Variants in PAPPA2 observed in about 807,000 individuals in gnomAD.
The protein encoded by PAPPA2 is pappalysin 2, also known as pappalysin-2.
PAPPA2 carries 86 observed loss-of-function variants against 176.4 expected under a neutral mutation model. That is an observed-to-expected ratio of 0.49 (90% CI 0.41 to 0.58). PAPPA2 has a LOEUF of 0.58. Among genes scored for constraint, PAPPA2 ranks in the 20% least tolerant of loss-of-function variants. The pLI, the probability that PAPPA2 is intolerant of heterozygous loss-of-function variation, is 0.00. For missense variants in PAPPA2, 2,073 were observed against 2,256.9 expected, an observed-to-expected ratio of 0.92 and a Z score of 1.65; for synonymous variants, 809 against 852.2, an observed-to-expected ratio of 0.95 and a Z score of 0.88.
rs374802932 is a variant in PAPPA2, at chr1:176,595,269, T to C, written c.1665T>C (p.Asn555=). 6.2e-7 allele frequency: 1 copy of C among 1,614,096 alleles called. No homozygotes were observed. Among genetic ancestry groups the C allele is most frequent in the Non-Finnish European group, 8.5e-7 (1 of 1,180,048 alleles). ...TTCGTCTGCAGCACGAGGCACTGAA[T>C]GAGGCCTTCAGCCGCTACAACATCA... The part of the protein sequence containing the change: ...EQIRLQHEAL[N]EAFSRYNISW... Residue 555 remains asparagine (N), a synonymous_variant, in exon 3 of 23, where the codon AAT becomes AAC. Coordinates refer to ENST00000367662, the MANE Select transcript of PAPPA2 (RefSeq NM_020318.3).
At chr1:176,488,903 A>G (rs1387123125) in intron 1 of PAPPA2, among the ~76,000 whole-genome samples, 1 of 152,148 alleles carries the variant, frequency 6.6e-6, no homozygotes, top group Non-Finnish European at 1.5e-5. Flanking sequence ...ATTTAGGTAG[A>G]ACACTGGTTC....
chr1:176,694,573 C>G (rs1008863558), intron 6 of PAPPA2, among the ~76,000 whole-genome samples: 1 of 152,194 alleles, frequency 6.6e-6, no homozygotes, highest in African/African-American at 2.4e-5. Context: ...TATTGAGACC[C>G]TGACTTGATG....
intron 1 of PAPPA2, among the ~76,000 whole-genome samples, chr1:176,545,596 G>T (rs1344772998): frequency 6.6e-6 from 1 of 152,000 alleles, no homozygotes; most frequent in Non-Finnish European, 1.5e-5. Context: ...TAAAGCATCT[G>T]GGAGGATGTG....
intron 14 of PAPPA2, among the ~76,000 whole-genome samples, chr1:176,742,472 T>C (rs533457332): frequency 6.6e-6 from 1 of 152,300 alleles, no homozygotes; most frequent in South Asian, 2.1e-4. Flanking sequence ...TTCATATGCA[T>C]GCATGCAAAC....
At chr1:176,759,175 G>A (rs1663576399) in intron 14 of PAPPA2, among the ~76,000 whole-genome samples, 1 of 152,196 alleles carries the variant, frequency 6.6e-6, no homozygotes, top group South Asian at 2.1e-4. Flanking sequence ...GGGAGGGTGG[G>A]ATACTGACTT....
At chr1:176,663,341 A>G (rs191740305) in intron 3 of PAPPA2, among the ~76,000 whole-genome samples, 8 of 152,286 alleles carry the variant, frequency 5.3e-5, no homozygotes. Flanking sequence ...TAAGCAAAGT[A>G]TACCTGCTCC....
chr1:176,552,607 G>A (rs888356805), intron 1 of PAPPA2, among the ~76,000 whole-genome samples: 3 of 152,068 alleles, frequency 2.0e-5, no homozygotes, highest in African/African-American at 7.2e-5. Context: ...GCAAAAAACT[G>A]TTTAAGAAAT....
chr1:176,806,201 A>G (rs1222976829), intron 21 of PAPPA2, among the ~76,000 whole-genome samples: 1 of 152,104 alleles, frequency 6.6e-6, no homozygotes, highest in African/African-American at 2.4e-5. Context: ...TTCAATGCAT[A>G]CCTTTGTAGA....
At chr1:176,541,033 C>T (rs1408498947) in intron 1 of PAPPA2, among the ~76,000 whole-genome samples, 4 of 152,186 alleles carry the variant, frequency 2.6e-5, no homozygotes, top group African/African-American at 9.7e-5. Context: ...ATCTTGGACA[C>T]TGTTCTCTAC....
intron 21 of PAPPA2, among the ~76,000 whole-genome samples, chr1:176,825,221 T>G (rs1666811039): frequency 6.6e-6 from 1 of 152,192 alleles, no homozygotes; most frequent in African/African-American, 2.4e-5. Context: ...CTTACGTGTT[T>G]TGCTCATACT....
At chr1:176,473,602 T>G (rs746207912) in intron 1 of PAPPA2, among the ~76,000 whole-genome samples, 2 of 152,222 alleles carry the variant, frequency 1.3e-5, no homozygotes, top group Non-Finnish European at 2.9e-5. Context: ...TGTTAGAAAC[T>G]TCCAAAATGT....
chr1:176,627,624 T>C (rs1352828113), intron 3 of PAPPA2, among the ~76,000 whole-genome samples: 1 of 152,234 alleles, frequency 6.6e-6, no homozygotes, highest in African/African-American at 2.4e-5. Flanking sequence ...TTTTGCATTG[T>C]AATTTATCCT....
At chr1:176,596,751 G>A (rs12117659) in intron 3 of PAPPA2, among the ~76,000 whole-genome samples, 37,005 of 152,120 alleles carry the variant, frequency 0.24, 4,523 homozygotes, top group South Asian at 0.34. Flanking sequence ...AATGGATCTG[G>A]TGTGTCTCTT....
At chr1:176,578,432 G>A (rs1031102453) in intron 2 of PAPPA2, among the ~76,000 whole-genome samples, 4 of 152,134 alleles carry the variant, frequency 2.6e-5, no homozygotes, top group African/African-American at 9.7e-5. Flanking sequence ...AAGACTGGAG[G>A]GAAATGCTCC....
intron 1 of PAPPA2, among the ~76,000 whole-genome samples, chr1:176,484,929 C>T (rs554353159): frequency 3.9e-5 from 6 of 152,318 alleles, no homozygotes; most frequent in Non-Finnish European, 7.4e-5. Flanking sequence ...GTTTCTATGG[C>T]GGTTTCTGCT....
At position 176,739,639 on chromosome 1, in the gene PAPPA2, G is replaced by A; in HGVS notation, c.3812G>A (p.Arg1271Lys). 6.2e-7 allele frequency: 1 copy of A among 1,613,330 alleles called. No individual in the cohort carries two copies. Among genetic ancestry groups the A allele is most frequent in the Non-Finnish European group, 8.5e-7 (1 of 1,179,480 alleles). Residue 1271 changes from arginine (R) to lysine (K), a missense_variant, in exon 13 of 23, where the codon AGA becomes AAA. This residue lies in a region of PAPPA2 where 846 missense variants were observed against 857.9 expected (regional missense o/e 0.99). Coordinates refer to ENST00000367662, the MANE Select transcript of PAPPA2 (RefSeq NM_020318.3). ...DEVWLKVCFN[R>K]PGEARAIFIF... Reference sequence around the variant, plus strand: ...GCTTATGCTTAGGTGTGTTTCAATAGACCAGGAGAGGCCAGAGCAATTTTT... The same window carrying A: ...GCTTATGCTTAGGTGTGTTTCAATAAACCAGGAGAGGCCAGAGCAATTTTT...
At chr1:176,704,441 G>C (rs1045404085) in intron 9 of PAPPA2, among the ~76,000 whole-genome samples, 1 of 152,074 alleles carries the variant, frequency 6.6e-6, no homozygotes, top group East Asian at 1.9e-4. Flanking sequence ...AAACAAGCAC[G>C]ATGCAGGGCC....
chr1:176,638,772 A>T (rs1461780866), intron 3 of PAPPA2, among the ~76,000 whole-genome samples: 1 of 151,922 alleles, frequency 6.6e-6, no homozygotes, highest in African/African-American at 2.4e-5. Context: ...AGCTTTGTGA[A>T]AGTTCCTCCA....
At chr1:176,777,289 A>C (rs1339784776) in intron 17 of PAPPA2, among the ~76,000 whole-genome samples, 2 of 152,194 alleles carry the variant, frequency 1.3e-5, no homozygotes, top group African/African-American at 4.8e-5. Flanking sequence ...CTTAGTAGAC[A>C]GTATTTAGGG....
Sources: gnomAD v4.1 joint callset for allele counts (sites outside exome capture counted in the v4.1 genomes callset) on GRCh38, gnomAD v4.1.1 for gene constraint, gnomAD v4.1.1 regional missense constraint, MANE v1.5 for transcripts, NCBI Gene and HGNC (gene_info 2026-07-23, HGNC 2026-07-21) for gene names.